The following PEPD variants were observed in gnomAD, a reference collection of about 807,000 sequenced individuals.
PEPD encodes the protein xaa-Pro dipeptidase.
In PEPD, 53 loss-of-function variants were observed where a neutral mutation model predicts 60.7. That is an observed-to-expected ratio of 0.87 (90% CI 0.70 to 1.10). The LOEUF is 1.10. PEPD is among the 50% of genes least tolerant of loss of function. The pLI is 0.00. For missense variants in PEPD, 711 were observed against 711.9 expected (o/e 1.00, Z 0.01); for synonymous variants, 267 against 284.1 (o/e 0.94, Z 0.60).
intron 9 of PEPD, among the ~76,000 whole-genome samples, chr19:33,442,261 A>G (rs986064392): frequency 6.6e-6 from 1 of 152,028 alleles, no homozygotes; most frequent in Non-Finnish European, 1.5e-5. Context: ...TTAGCCGGGC[A>G]TGGTGGAGGG....
At chr19:33,398,059 A>C (rs1324665514) in intron 12 of PEPD, among the ~76,000 whole-genome samples, 1 of 152,174 alleles carries the variant, frequency 6.6e-6, no homozygotes, top group Non-Finnish European at 1.5e-5. Flanking sequence ...GTTTCAGCAC[A>C]GGAGACTGAG....
chr19:33,438,461 C>A lies in PEPD; in HGVS notation c.671+24534G>T, dbSNP rs536959459. On this transcript the variant is annotated intron_variant, in intron 9 of 14. Coordinates refer to ENST00000244137, the MANE Select transcript of PEPD (RefSeq NM_000285.4). ...AAGGGTCTCTCTCCCCTGCCCTTTG[C>A]CTTATGAGGTCTGATGCCAAGACCT... Among the ~76,000 whole-genome samples, 4 of 152,350 alleles carry A rather than the reference C, an allele frequency of 2.6e-5. No individual in the cohort carries two copies. In the South Asian group the frequency reaches 8.3e-4, roughly 32 times the overall value.
chr19:33,496,518 T>G (rs3786915), intron 4 of PEPD, among the ~76,000 whole-genome samples: 38,172 of 152,130 alleles, frequency 0.25, 5,106 homozygotes, highest in Non-Finnish European at 0.31. Context: ...CCATTAGTGC[T>G]ACGCTCTCAT....
intron 13 of PEPD, 78 bp downstream of exon 13, chr19:33,391,217 G>A (rs1968209697): frequency 8.4e-7 from 1 of 1,189,448 alleles, no homozygotes. Flanking sequence ...CTGCCTCCTA[G>A]AGTCCCACCC....
chr19:33,411,626 G>C (rs1460207754), intron 11 of PEPD, 46 bp downstream of exon 11: 1 of 1,080,236 alleles, frequency 9.3e-7, no homozygotes, highest in South Asian at 1.3e-5. Context: ...GTCCAACCTT[G>C]GCCTGGCTGT....
chr19:33,503,118 C>T (rs1970741395), intron 3 of PEPD, among the ~76,000 whole-genome samples: 1 of 152,144 alleles, frequency 6.6e-6, no homozygotes, highest in African/African-American at 2.4e-5. Flanking sequence ...GGACCAGCAT[C>T]ACCTGCAGGA....
At chr19:33,441,291 A>G (rs1394731364) in intron 9 of PEPD, among the ~76,000 whole-genome samples, 3 of 152,170 alleles carry the variant, frequency 2.0e-5, no homozygotes, top group African/African-American at 7.2e-5. Context: ...CCCTGGGACC[A>G]CCTGGGAACG....
chr19:33,459,239 C>T (rs1386500733), intron 9 of PEPD, among the ~76,000 whole-genome samples: 1 of 152,056 alleles, frequency 6.6e-6, no homozygotes, highest in African/African-American at 2.4e-5. Context: ...ATTCTCATGA[C>T]CCCCCAGAAA....
intron 9 of PEPD, among the ~76,000 whole-genome samples, chr19:33,423,127 C>CCA (rs397975651): frequency 3.0e-4 from 45 of 152,322 alleles, no homozygotes; most frequent in African/African-American, 8.7e-4. Context: ...ATCCATCCAT[C>CCA]TATCCAACCA....
At chr19:33,397,808 C>A (rs984995541) in intron 12 of PEPD, among the ~76,000 whole-genome samples, 17 of 152,208 alleles carry the variant, frequency 1.1e-4, no homozygotes, top group African/African-American at 3.9e-4. Context: ...GTGCCTGCCC[C>A]AAGAGTCAGC....
rs146186460 is a variant in PEPD at position 33,436,344 on chromosome 19, C to T, written c.672-22701G>A. On this transcript the variant is annotated intron_variant, in intron 9 of 14. Transcript: ENST00000244137. ...CACCAGGCAGCCTTCCCAGCAGGCC[C>T]CATGCCCTGCCTAAGAGGCAGGCGG... 2.7e-3 allele frequency among the ~76,000 whole-genome samples: 415 copies of T among 152,266 alleles called. 1 individual carries two copies. Among genetic ancestry groups the T allele is most frequent in the Middle Eastern group, 0.02 (6 of 294 alleles).
At chr19:33,503,300 A>G (rs559764732) in intron 3 of PEPD, among the ~76,000 whole-genome samples, 102 of 152,304 alleles carry the variant, frequency 6.7e-4, no homozygotes, top group Non-Finnish European at 1.2e-3. Context: ...GCAGCCCACA[A>G]TGCCCTTTGC....
chr19:33,412,562 G>A (rs1367388154), intron 10 of PEPD, among the ~76,000 whole-genome samples: 3 of 152,164 alleles, frequency 2.0e-5, no homozygotes, highest in South Asian at 2.1e-4. Context: ...CCTAATGAGC[G>A]ATGCCTTTAA....
intron 9 of PEPD, among the ~76,000 whole-genome samples, chr19:33,450,683 T>C (rs1343730819): frequency 2.0e-5 from 3 of 152,126 alleles, no homozygotes; most frequent in Admixed American, 6.5e-5. Context: ...AAAATGATGG[T>C]AAGACAATGC....
Position 33,511,599 on chromosome 19 carries a change from C to T in PEPD, c.202-444G>A, listed in dbSNP as rs533944098. On this transcript the variant is annotated intron_variant, in intron 2 of 14. Coordinates refer to ENST00000244137, the MANE Select transcript of PEPD (RefSeq NM_000285.4). ...TTACTTCCCTCTCCCACCCCCGGGA[C>T]GGCTGATGACTTCAGTGTTTAGGGA... 2.6e-3 allele frequency: 769 copies of T among 294,026 alleles called. 5 individuals carry two copies. Among genetic ancestry groups the T allele is most frequent in the Non-Finnish European group, 3.6e-3 (534 of 149,584 alleles). The allele number at this position is 294,026 out of a possible 1,614,324, so 18.2% of individuals were successfully genotyped here. A position where few individuals can be genotyped will look rare whatever the true frequency, so the allele number is the denominator to read the frequency against.
At chr19:33,463,878 T>G in intron 8 of PEPD, 109 bp downstream of exon 8, 1 of 749,088 alleles carries the variant, frequency 1.3e-6, no homozygotes, top group Non-Finnish European at 2.4e-6. Flanking sequence ...ACCTCTCACT[T>G]GGCCCTCAGG....
chr19:33,457,600 T>TCCCA (rs1315514382), intron 9 of PEPD, among the ~76,000 whole-genome samples: 1 of 152,160 alleles, frequency 6.6e-6, no homozygotes, highest in Non-Finnish European at 1.5e-5. Context: ...AACCTCCACC[T>TCCCA]CCCAGGTTCA....
At chr19:33,455,968 A>C (rs1298825791) in intron 9 of PEPD, among the ~76,000 whole-genome samples, 1 of 152,162 alleles carries the variant, frequency 6.6e-6, no homozygotes, top group Non-Finnish European at 1.5e-5. Flanking sequence ...GTTTTGCCCC[A>C]AAATCTCTAG....
At chr19:33,506,291 TCACA>T (rs1293469950) in intron 3 of PEPD, among the ~76,000 whole-genome samples, 1 of 93,136 alleles carries the variant, frequency 1.1e-5, no homozygotes, top group East Asian at 3.6e-4. Flanking sequence ...TACACACTAC[TCACA>T]CACCCACTCT....
Sources: gnomAD v4.1 joint callset for allele counts (sites outside exome capture counted in the v4.1 genomes callset) on GRCh38, gnomAD v4.1.1 for gene constraint, MANE v1.5 for transcripts, NCBI Gene and HGNC (gene_info 2026-07-23, HGNC 2026-07-21) for gene names.